Variants in CPED1 observed in about 807,000 individuals in gnomAD.
CPED1 encodes the protein cadherin-like and PC-esterase domain-containing protein 1.
CPED1 carries 114 observed loss-of-function variants against 128.2 expected under a neutral mutation model. That is an observed-to-expected ratio of 0.89 (90% CI 0.76 to 1.04). CPED1 has a LOEUF of 1.04. CPED1 is among the 50% of genes least tolerant of loss of function. CPED1 has a pLI of 0.00. For missense variants in CPED1, 1,211 were observed against 1,207.1 expected, an observed-to-expected ratio of 1.00 and a Z score of -0.05; for synonymous variants, 462 against 426.7, an observed-to-expected ratio of 1.08 and a Z score of -1.02.
In CPED1 at chr7:121,064,401, A is replaced by C. The variant is rs1050430096; in HGVS notation, c.616+88A>C. The C allele has an allele frequency of 1.1e-5, 9 of 850,804 alleles. No homozygotes were observed. The African/African-American group carries it at 1.5e-4, about 14-fold the overall frequency. 52.7% of individuals were successfully genotyped at this position (850,804 alleles called of 1,614,324 possible). A position where few individuals can be genotyped will look rare whatever the true frequency, so the allele number is the denominator to read the frequency against. ...GCAGCTAACATGGTCTCAGGTCAGC[A>C]TCTGTTGCTACTTTGTCTATCAATT... On this transcript the variant is annotated intron_variant, in intron 5 of 22. Transcript: ENST00000310396.
At chr7:121,214,540 T>G (rs1389166202) in intron 16 of CPED1, among the ~76,000 whole-genome samples, 1 of 152,002 alleles carries the variant, frequency 6.6e-6, no homozygotes, top group Non-Finnish European at 1.5e-5. Flanking sequence ...GTGATCCACC[T>G]GCCTTGGCCT....
intron 16 of CPED1, among the ~76,000 whole-genome samples, chr7:121,208,110 C>T (rs762014508): frequency 2.6e-5 from 4 of 151,804 alleles, no homozygotes; most frequent in Non-Finnish European, 4.4e-5. Flanking sequence ...GATAGCCCAC[C>T]CCACCCCCAT....
intron 8 of CPED1, among the ~76,000 whole-genome samples, chr7:121,124,684 A>G (rs1395265078): frequency 6.6e-6 from 1 of 152,148 alleles, no homozygotes; most frequent in East Asian, 1.9e-4. Flanking sequence ...GTAGTATCTA[A>G]ATAGTGGTAA....
intron 7 of CPED1, among the ~76,000 whole-genome samples, chr7:121,120,976 AAAAAAAAAAAAC>A (rs1213064906): frequency 1.3e-5 from 2 of 150,334 alleles, no homozygotes; most frequent in Non-Finnish European, 3.0e-5. Context: ...TAAAAAAAAA[AAAAAAAAAAAAC>A]AAAAAAACTC....
intron 16 of CPED1, chr7:121,194,836 A>T (rs1797233929): frequency 6.6e-6 from 1 of 151,960 alleles, no homozygotes; most frequent in Non-Finnish European, 1.5e-5. Context: ...TGGTGCTTTC[A>T]CCATTCACTG....
chr7:121,039,837 T>C (rs921198180), intron 3 of CPED1, among the ~76,000 whole-genome samples: 2 of 152,114 alleles, frequency 1.3e-5, no homozygotes, highest in African/African-American at 4.8e-5. Context: ...TTTTACACTT[T>C]TTTAAATGGC....
chr7:121,056,578 AC>A (rs1178187722), intron 4 of CPED1, among the ~76,000 whole-genome samples: 2 of 152,124 alleles, frequency 1.3e-5, no homozygotes, highest in Non-Finnish European at 2.9e-5. Flanking sequence ...TTCTTATAAA[AC>A]TTTAGCTAAA....
At chr7:121,104,619 A>G (rs548407728) in intron 7 of CPED1, among the ~76,000 whole-genome samples, 1 of 152,268 alleles carries the variant, frequency 6.6e-6, no homozygotes, top group African/African-American at 2.4e-5. Context: ...TCCAGTCAAG[A>G]CATAAATTAA....
intron 16 of CPED1, among the ~76,000 whole-genome samples, chr7:121,158,032 T>G (rs1429250802): frequency 6.6e-6 from 1 of 152,216 alleles, no homozygotes; most frequent in Non-Finnish European, 1.5e-5. Flanking sequence ...ATGCATTATA[T>G]GCACAATTAT....
chr7:121,239,542 A>T (rs1036153353), intron 17 of CPED1, among the ~76,000 whole-genome samples: 9 of 152,116 alleles, frequency 5.9e-5, no homozygotes, highest in South Asian at 2.1e-4. Context: ...TAAACAATTT[A>T]AAAAAATTTA....
chr7:121,184,779 G>A (rs1184907741), intron 16 of CPED1, among the ~76,000 whole-genome samples: 2 of 152,078 alleles, frequency 1.3e-5, no homozygotes, highest in African/African-American at 2.4e-5. Context: ...TGAGAAAATA[G>A]TAGAATAAAT....
At chr7:121,185,365 G>A (rs1022746349) in intron 16 of CPED1, among the ~76,000 whole-genome samples, 4 of 152,122 alleles carry the variant, frequency 2.6e-5, no homozygotes, top group African/African-American at 7.2e-5. Flanking sequence ...ATGACAAATA[G>A]CATAGAAAGA....
rs1792834061 is a variant in CPED1, at chr7:121,296,945, T to C, written c.*1293T>C. 6.6e-6 allele frequency: 1 copy of C among 152,314 alleles called. No individual in the cohort carries two copies. The highest frequency in any genetic ancestry group is 2.4e-5 in the African/African-American group (1 of 41,450). 9.4% of individuals were successfully genotyped at this position (152,314 alleles called of 1,614,324 possible). On this transcript the variant is annotated 3_prime_UTR_variant, in exon 23 of 23. Transcript: ENST00000310396. Reference sequence around the variant, plus strand: ...CACTACCATACAAGAAAAAAACACCTATTTTGATTGATCAGTTCTTTTGTA... The same window carrying C: ...CACTACCATACAAGAAAAAAACACCCATTTTGATTGATCAGTTCTTTTGTA...
At chr7:121,025,182 T>C (rs1387685056) in intron 3 of CPED1, among the ~76,000 whole-genome samples, 1 of 152,072 alleles carries the variant, frequency 6.6e-6, no homozygotes, top group African/African-American at 2.4e-5. Context: ...GTTGCTTCCC[T>C]CTTACACTGT....
chr7:121,112,197 G>T (rs1795127793), intron 7 of CPED1, among the ~76,000 whole-genome samples: 1 of 152,150 alleles, frequency 6.6e-6, no homozygotes, highest in Non-Finnish European at 1.5e-5. Context: ...AGATCGAATG[G>T]CTGTCCCCAT....
chr7:121,257,346 T>A (rs1032651396), intron 18 of CPED1, among the ~76,000 whole-genome samples: 5 of 152,070 alleles, frequency 3.3e-5, no homozygotes, highest in Non-Finnish European at 7.4e-5. Context: ...TAAAGCATAG[T>A]TGGTTAAGCA....
chr7:121,220,670 T>C (rs950206314), intron 16 of CPED1, among the ~76,000 whole-genome samples: 1 of 152,058 alleles, frequency 6.6e-6, no homozygotes, highest in Non-Finnish European at 1.5e-5. Flanking sequence ...TATTTTTAAA[T>C]TGTAGTTTTA....
intron 5 of CPED1, among the ~76,000 whole-genome samples, chr7:121,077,789 T>A (rs975689684): frequency 5.3e-5 from 8 of 151,916 alleles, no homozygotes; most frequent in South Asian, 2.1e-4. Flanking sequence ...CTAATTTTTT[T>A]AAATGTAAAT....
chr7:121,094,069 G>A (rs1794639164), intron 5 of CPED1, among the ~76,000 whole-genome samples: 1 of 152,050 alleles, frequency 6.6e-6, no homozygotes, highest in Non-Finnish European at 1.5e-5. Context: ...TATACCTGTA[G>A]GCTAAGTTCT....
Sources: allele counts gnomAD v4.1 joint callset (sites outside exome capture counted in the v4.1 genomes callset), GRCh38; gene constraint gnomAD v4.1.1; transcripts MANE v1.5; gene names NCBI Gene and HGNC (gene_info 2026-07-23, HGNC 2026-07-21).